Variants in OR51B5 observed in about 807,000 individuals in gnomAD.
OR51B5 encodes the protein olfactory receptor 51B5.
For missense variants in OR51B5, 456 were observed against 374.6 expected (o/e 1.22, Z -1.79); for synonymous variants, 186 against 144.8 (o/e 1.28, Z -2.04).
intron 1 of OR51B5, among the ~76,000 whole-genome samples, chr11:5,414,817 T>A (rs1249319724): frequency 2.0e-5 from 3 of 152,072 alleles, no homozygotes; most frequent in Non-Finnish European, 2.9e-5. Context: ...CTCCCACACT[T>A]TAATAATGGG....
At chr11:5,435,911 T>G (rs1363473562) in intron 1 of OR51B5, among the ~76,000 whole-genome samples, 1 of 152,236 alleles carries the variant, frequency 6.6e-6, no homozygotes, top group Non-Finnish European at 1.5e-5. Context: ...ACCTCCTTCC[T>G]GTCAGATTTT....
intron 1 of OR51B5, among the ~76,000 whole-genome samples, chr11:5,473,489 T>A (rs1851259935): frequency 6.6e-6 from 1 of 152,224 alleles, no homozygotes; most frequent in African/African-American, 2.4e-5. Flanking sequence ...ATTATCCTGA[T>A]GCAGACCCAA....
upstream of OR51B5, among the ~76,000 whole-genome samples, chr11:5,345,423 C>G (rs1436470456): frequency 6.6e-6 from 1 of 151,834 alleles, no homozygotes; most frequent in Non-Finnish European, 1.5e-5. Context: ...TGAAGTAGTG[C>G]CAAGATTTGC....
At chr11:5,499,388 G>A (rs1396132464) in intron 1 of OR51B5, among the ~76,000 whole-genome samples, 1 of 144,160 alleles carries the variant, frequency 6.9e-6, no homozygotes, top group African/African-American at 2.5e-5. Context: ...CTGCACAGTA[G>A]ACCTGGATGA....
upstream of OR51B5, among the ~76,000 whole-genome samples, chr11:5,344,390 G>A (rs1848957092): frequency 9.3e-6 from 1 of 107,902 alleles, no homozygotes. Flanking sequence ...CCTAGAATCT[G>A]ACCTCTCTCA....
At chr11:5,478,209 C>G (rs534571463) in intron 1 of OR51B5, among the ~76,000 whole-genome samples, 2 of 152,034 alleles carry the variant, frequency 1.3e-5, no homozygotes, top group Non-Finnish European at 2.9e-5. Context: ...GACCCCTGAA[C>G]CCCGAGCAGC....
intron 1 of OR51B5, among the ~76,000 whole-genome samples, chr11:5,400,676 G>A (rs1026190808): frequency 1.8e-4 from 28 of 152,134 alleles, no homozygotes; most frequent in African/African-American, 6.0e-4. Context: ...CATAGGTGAC[G>A]ACTGTATTTG....
At chr11:5,353,045 A>T (rs967747848) in intron 1 of OR51B5, among the ~76,000 whole-genome samples, 1 of 152,038 alleles carries the variant, frequency 6.6e-6, no homozygotes, top group Admixed American at 6.6e-5. Flanking sequence ...GGCTTCAGAC[A>T]TACATCCAGT....
intron 1 of OR51B5, among the ~76,000 whole-genome samples, chr11:5,388,509 T>A (rs1483029133): frequency 1.3e-5 from 2 of 148,836 alleles, no homozygotes; most frequent in Non-Finnish European, 3.0e-5. Flanking sequence ...ATGTTTTTAT[T>A]CCAGGAAGAA....
intron 1 of OR51B5, chr11:5,488,754 C>G: frequency 6.2e-7 from 1 of 1,613,974 alleles, no homozygotes; most frequent in Non-Finnish European, 8.5e-7. Context: ...ACACCTTCTT[C>G]TTAACAGGGA....
exon 1 of OR51B5, chr11:5,343,145 G>C: frequency 6.2e-7 from 1 of 1,613,858 alleles, no homozygotes. Flanking sequence ...ATATCTAAGA[G>C]GGTTGCAGAT....
intron 1 of OR51B5, among the ~76,000 whole-genome samples, chr11:5,445,747 A>T (rs1170973646): frequency 6.6e-6 from 1 of 151,510 alleles, no homozygotes; most frequent in East Asian, 1.9e-4. Context: ...TGTCTGAAAG[A>T]AATCAAAGAA....
Position 5,368,231 on chromosome 11 carries a change from C to G in OR51B5, n.85-21321G>C, listed in dbSNP as rs531672946. On this transcript the variant is annotated intron_variant and non_coding_transcript_variant, in intron 1 of 4. Coordinates refer to the OR51B5 transcript ENST00000415970. ...ATTGTTTCATGCTTCTTCATACAGT[C>G]TTATGCAGTAGTTTTGGGAATTAAA... Among the ~76,000 whole-genome samples, 5 of 152,242 alleles carry G rather than the reference C, an allele frequency of 3.3e-5. No individual in the cohort carries two copies. The East Asian group carries it at 9.6e-4, about 29-fold the overall frequency.
At chr11:5,387,791 T>C (rs1188084343) in intron 1 of OR51B5, among the ~76,000 whole-genome samples, 2 of 152,192 alleles carry the variant, frequency 1.3e-5, no homozygotes, top group Non-Finnish European at 2.9e-5. Context: ...TCTCTAAAAT[T>C]ACCTACTCAG....
intron 1 of OR51B5, among the ~76,000 whole-genome samples, chr11:5,460,896 G>C (rs1396874564): frequency 1.3e-5 from 2 of 152,194 alleles, no homozygotes; most frequent in African/African-American, 4.8e-5. Context: ...GGGGGTCTGG[G>C]ACCAAGCCTC....
chr11:5,453,940 G>C (rs16931292), intron 1 of OR51B5: 192,774 of 1,614,020 alleles, frequency 0.12, 12,191 homozygotes, highest in East Asian at 0.2. Context: ...GCAGCTGCTC[G>C]AAGCTTCATC....
At chr11:5,374,283 A>G (rs1437048758) in intron 1 of OR51B5, among the ~76,000 whole-genome samples, 3 of 152,248 alleles carry the variant, frequency 2.0e-5, no homozygotes, top group Middle Eastern at 6.8e-3. Context: ...TGTCTGTTAG[A>G]AGGAAAACTA....
At chr11:5,411,085 A>G (rs1333054753) in intron 1 of OR51B5, among the ~76,000 whole-genome samples, 1 of 152,178 alleles carries the variant, frequency 6.6e-6, no homozygotes, top group East Asian at 1.9e-4. Context: ...TAAAGTCCAT[A>G]ATAGCAAACA....
At chr11:5,443,466 T>C (rs1458054684) in intron 1 of OR51B5, among the ~76,000 whole-genome samples, 1 of 151,846 alleles carries the variant, frequency 6.6e-6, no homozygotes, top group Non-Finnish European at 1.5e-5. Context: ...ACATTTAAAG[T>C]CCATGTCTCT....
Sources: allele counts gnomAD v4.1 joint callset (sites outside exome capture counted in the v4.1 genomes callset), GRCh38; gene constraint gnomAD v4.1.1; transcripts MANE v1.5; gene names NCBI Gene and HGNC (gene_info 2026-07-23, HGNC 2026-07-21).